The following NRCAM variants were observed in gnomAD, a reference collection of about 807,000 sequenced individuals.
NRCAM encodes the protein neuronal cell adhesion molecule, also known as NgCAM-related cell adhesion molecule.
Under a neutral mutation model 156.5 loss-of-function variants are expected in NRCAM, and 83 were observed. The ratio of observed to expected loss-of-function variants is 0.53; its 90% CI spans 0.44 to 0.64. NRCAM has a LOEUF of 0.64. Ranked by LOEUF, NRCAM falls within the 30% of genes least tolerant of loss-of-function variation. The pLI, the probability that NRCAM is intolerant of heterozygous loss-of-function variation, is 0.00. For synonymous variants in NRCAM, 538 were observed against 563.9 expected, an observed-to-expected ratio of 0.95 and a Z score of 0.65; for missense variants, 1,417 against 1,597.3, an observed-to-expected ratio of 0.89 and a Z score of 1.92.
intron 3 of NRCAM, among the ~76,000 whole-genome samples, chr7:108,261,166 C>T (rs1287499523): frequency 6.6e-6 from 1 of 152,164 alleles, no homozygotes; most frequent in Non-Finnish European, 1.5e-5. Flanking sequence ...CTCCTTTGTT[C>T]TAAAAGCACC....
At chr7:108,170,937 C>T (rs1456250611) in intron 28 of NRCAM, among the ~76,000 whole-genome samples, 3 of 152,120 alleles carry the variant, frequency 2.0e-5, no homozygotes, top group African/African-American at 4.8e-5. Flanking sequence ...ATCTAATGTA[C>T]AGCATTATAT....
intron 1 of NRCAM, among the ~76,000 whole-genome samples, chr7:108,438,221 A>T (rs1003652716): frequency 6.6e-6 from 1 of 152,112 alleles, no homozygotes; most frequent in Non-Finnish European, 1.5e-5. Context: ...CCAAGGCATT[A>T]TAAGACCAGA....
At chr7:108,237,798 G>T in intron 4 of NRCAM, 29 bp from the exon 5 acceptor site, 1 of 1,573,808 alleles carries the variant, frequency 6.4e-7, no homozygotes, top group Non-Finnish European at 8.6e-7. Flanking sequence ...CAGCAGGTAA[G>T]TGGGCAAAGA....
Position 108,405,566 on chromosome 7 carries a change from T to C in NRCAM, c.-331-5973A>G, listed in dbSNP as rs1313676746. Among the ~76,000 whole-genome samples the C allele has an allele frequency of 3.3e-5, 5 of 152,212 alleles. No individual in the cohort carries two copies. The East Asian group carries it at 7.7e-4, about 23-fold the overall frequency. On this transcript the variant is annotated intron_variant, in intron 1 of 32. Coordinates refer to ENST00000379028, the MANE Select transcript of NRCAM (RefSeq NM_001037132.4). ...TCAGAGAGCTTGTCCATGTCAGAGA[T>C]GGCATTTGAACCCAGGTCTTTCTGA...
chr7:108,346,403 T>C (rs2099354665), intron 2 of NRCAM, among the ~76,000 whole-genome samples: 1 of 152,224 alleles, frequency 6.6e-6, no homozygotes, highest in South Asian at 2.1e-4. Context: ...AAGTATATTA[T>C]CCAGTATTAG....
At chr7:108,183,356 GTATAAA>G (rs757434846) in intron 22 of NRCAM, among the ~76,000 whole-genome samples, 59 of 151,852 alleles carry the variant, frequency 3.9e-4, no homozygotes, top group Admixed American at 2.4e-3. Context: ...CTACATGTTT[GTATAAA>G]TATAAGTATG....
chr7:108,410,308 G>T (rs1275328910), intron 1 of NRCAM, among the ~76,000 whole-genome samples: 2 of 152,130 alleles, frequency 1.3e-5, no homozygotes, highest in African/African-American at 2.4e-5. Flanking sequence ...TTGTTATAGT[G>T]GTTGCAGTAT....
chr7:108,177,312 G>A (rs399543), intron 26 of NRCAM, among the ~76,000 whole-genome samples: 103,184 of 152,052 alleles, frequency 0.68, 37,060 homozygotes, highest in East Asian at 0.94. Context: ...CAGAGGGAAG[G>A]CGAGATAGGG....
chr7:108,236,058 T>C (rs1381785425), intron 5 of NRCAM, among the ~76,000 whole-genome samples: 1 of 152,174 alleles, frequency 6.6e-6, no homozygotes, highest in Non-Finnish European at 1.5e-5. Context: ...TCTCTGCCCA[T>C]ACCTCTGCTT....
intron 1 of NRCAM, among the ~76,000 whole-genome samples, chr7:108,423,438 A>G (rs1355917258): frequency 6.6e-6 from 1 of 152,128 alleles, no homozygotes; most frequent in Non-Finnish European, 1.5e-5. Flanking sequence ...AGGAAGAGGC[A>G]CACATAAAAT....
chr7:108,368,133 G>C (rs1190410297), intron 2 of NRCAM, among the ~76,000 whole-genome samples: 1 of 151,882 alleles, frequency 6.6e-6, no homozygotes, highest in Non-Finnish European at 1.5e-5. Flanking sequence ...ATCCTCACCA[G>C]GTTTCTGATG....
At chr7:108,262,251 T>C (rs2096914127) in intron 3 of NRCAM, among the ~76,000 whole-genome samples, 2 of 152,084 alleles carry the variant, frequency 1.3e-5, no homozygotes, top group South Asian at 4.1e-4. Flanking sequence ...CCAGGGTGCA[T>C]CACCCATGAT....
intron 3 of NRCAM, among the ~76,000 whole-genome samples, chr7:108,253,378 G>A (rs1350173926): frequency 6.6e-6 from 1 of 152,172 alleles, no homozygotes; most frequent in Non-Finnish European, 1.5e-5. Flanking sequence ...GACTCTGGGA[G>A]GTGAAACCTG....
chr7:108,326,762 A>G (rs2154231944), intron 2 of NRCAM, among the ~76,000 whole-genome samples: 1 of 152,306 alleles, frequency 6.6e-6, no homozygotes, highest in East Asian at 1.9e-4. Flanking sequence ...GTAGATATTA[A>G]GTTTGGGGAA....
intron 2 of NRCAM, among the ~76,000 whole-genome samples, chr7:108,337,338 T>C (rs955932300): frequency 2.0e-5 from 3 of 152,080 alleles, no homozygotes; most frequent in Admixed American, 6.5e-5. Context: ...TTTCACTCTA[T>C]TAAATCTTGC....
chr7:108,258,821 G>A (rs945656108), intron 3 of NRCAM, among the ~76,000 whole-genome samples: 2 of 152,124 alleles, frequency 1.3e-5, no homozygotes, highest in African/African-American at 2.4e-5. Flanking sequence ...TTGTTCTCTC[G>A]ACCCAGTCTG....
intron 25 of NRCAM, among the ~76,000 whole-genome samples, chr7:108,179,819 C>T (rs1002318556): frequency 6.6e-6 from 1 of 152,136 alleles, no homozygotes; most frequent in African/African-American, 2.4e-5. Context: ...GAAATATTTT[C>T]CTTTCCAGGT....
chr7:108,158,215 A>G (rs1409385319), intron 32 of NRCAM, among the ~76,000 whole-genome samples: 3 of 152,112 alleles, frequency 2.0e-5, no homozygotes, highest in African/African-American at 7.2e-5. Flanking sequence ...TCTGACATCA[A>G]GACAACCCTC....
intron 1 of NRCAM, among the ~76,000 whole-genome samples, chr7:108,422,927 C>G (rs550276705): frequency 6.6e-6 from 1 of 152,260 alleles, no homozygotes; most frequent in South Asian, 2.1e-4. Context: ...CATTTCAGCC[C>G]CCCATCTTAG....
Sources: gnomAD v4.1 joint callset for allele counts (sites outside exome capture counted in the v4.1 genomes callset) on GRCh38, gnomAD v4.1.1 for gene constraint, MANE v1.5 for transcripts, NCBI Gene and HGNC (gene_info 2026-07-23, HGNC 2026-07-21) for gene names.